Variants in ARHGAP15 observed in about 807,000 individuals in gnomAD.
ARHGAP15 encodes the protein rho GTPase-activating protein 15.
A neutral mutation model predicts 63.7 loss-of-function variants in ARHGAP15; 51 were observed. The ratio of observed to expected loss-of-function variants is 0.80; its 90% CI spans 0.64 to 1.01. ARHGAP15 has a LOEUF of 1.01. Ranked by LOEUF, ARHGAP15 falls within the 50% of genes least tolerant of loss-of-function variation. ARHGAP15 has a pLI of 0.00. For synonymous variants in ARHGAP15, 191 were observed against 193.8 expected (o/e 0.99, Z 0.12); for missense variants, 560 against 564.6 (o/e 0.99, Z 0.08).
At chr2:143,623,782 CTT>C (rs1459827879) in intron 11 of ARHGAP15, among the ~76,000 whole-genome samples, 1 of 152,260 alleles carries the variant, frequency 6.6e-6, no homozygotes, top group Non-Finnish European at 1.5e-5. Context: ...ATTGGCAACT[CTT>C]AGCCCCTCGG....
intron 8 of ARHGAP15, among the ~76,000 whole-genome samples, chr2:143,478,784 CTT>C (rs1302142060): frequency 1.3e-5 from 2 of 152,164 alleles, no homozygotes; most frequent in African/African-American, 2.4e-5. Flanking sequence ...TTATGTATAA[CTT>C]ATAATCTAAG....
At chr2:143,534,937 T>A (rs1694685790) in intron 10 of ARHGAP15, among the ~76,000 whole-genome samples, 1 of 152,034 alleles carries the variant, frequency 6.6e-6, no homozygotes, top group Non-Finnish European at 1.5e-5. Flanking sequence ...AACCTCAGTT[T>A]AGAGCATTGT....
At chr2:143,307,607 G>A (rs1425606170) in intron 6 of ARHGAP15, among the ~76,000 whole-genome samples, 1 of 151,862 alleles carries the variant, frequency 6.6e-6, no homozygotes, top group African/African-American at 2.4e-5. Flanking sequence ...AGGTTGATCT[G>A]GAGGTAACTG....
intron 6 of ARHGAP15, among the ~76,000 whole-genome samples, chr2:143,266,589 C>T (rs924874394): frequency 6.6e-5 from 10 of 152,092 alleles, no homozygotes; most frequent in African/African-American, 1.9e-4. Flanking sequence ...TTTAAGTTTA[C>T]TTATTAAAAA....
chr2:143,425,906 T>G (rs1689120816), intron 6 of ARHGAP15, among the ~76,000 whole-genome samples: 2 of 152,226 alleles, frequency 1.3e-5, no homozygotes, highest in South Asian at 4.1e-4. Context: ...GCAGTTTGGA[T>G]TCTATAAAAA....
chr2:143,734,765 A>T (rs898543458), intron 13 of ARHGAP15, among the ~76,000 whole-genome samples: 5 of 152,172 alleles, frequency 3.3e-5, no homozygotes, highest in Non-Finnish European at 2.9e-5. Context: ...TGCAAGTTAG[A>T]TTGTACCTGA....
At position 143,743,832 on chromosome 2, in the gene ARHGAP15, AAAAT is replaced by A. The variant is rs201152123; in HGVS notation, c.1245-24153_1245-24150del. 3.4e-3 allele frequency among the ~76,000 whole-genome samples: 515 copies of A among 152,288 alleles called. 11 individuals are homozygous for A. The highest frequency in any genetic ancestry group is 0.023 in the Admixed American group (353 of 15,294). ...GAAAGTTGGAGTAAGGGGAAGAAAG[AAAAT>A]AAAGTCCTTAGTAGCAAGGTTTGGA... On this transcript the variant is annotated intron_variant, in intron 13 of 13. Coordinates refer to ENST00000295095, the MANE Select transcript of ARHGAP15 (RefSeq NM_018460.4).
chr2:143,730,799 A>G (rs6430042), intron 13 of ARHGAP15, among the ~76,000 whole-genome samples: 97,172 of 150,426 alleles, frequency 0.65, 34,477 homozygotes, highest in Non-Finnish European at 0.8. Context: ...AGATACATAT[A>G]GAAGGTTTTT....
At chr2:143,385,317 G>T (rs1346357170) in intron 6 of ARHGAP15, among the ~76,000 whole-genome samples, 1 of 152,078 alleles carries the variant, frequency 6.6e-6, no homozygotes, top group Non-Finnish European at 1.5e-5. Context: ...ACTAAAAAAA[G>T]GTCAACCGAA....
intron 13 of ARHGAP15, among the ~76,000 whole-genome samples, chr2:143,755,654 T>C (rs1042097748): frequency 2.6e-5 from 4 of 152,174 alleles, no homozygotes; most frequent in African/African-American, 9.6e-5. Context: ...CTAGTTTTAC[T>C]GTGTCCCTCT....
chr2:143,639,817 CAATTAT>C (rs1450792200), intron 12 of ARHGAP15, among the ~76,000 whole-genome samples: 1 of 152,020 alleles, frequency 6.6e-6, no homozygotes, highest in Non-Finnish European at 1.5e-5. Flanking sequence ...AAAAAGAGCT[CAATTAT>C]AATTAAAATA....
chr2:143,757,482 G>A (rs968651273), intron 13 of ARHGAP15, among the ~76,000 whole-genome samples: 3 of 152,082 alleles, frequency 2.0e-5, no homozygotes, highest in African/African-American at 7.2e-5. Context: ...CTACATTCCA[G>A]CCTGGGTGAC....
intron 3 of ARHGAP15, among the ~76,000 whole-genome samples, chr2:143,215,568 C>T (rs373674997): frequency 4.4e-4 from 67 of 152,230 alleles, no homozygotes; most frequent in African/African-American, 1.2e-3. Context: ...GTGGGCAATT[C>T]ACTAAGAGTG....
At chr2:143,263,303 A>G (rs1680822630) in intron 6 of ARHGAP15, among the ~76,000 whole-genome samples, 1 of 152,166 alleles carries the variant, frequency 6.6e-6, no homozygotes, top group African/African-American at 2.4e-5. Context: ...CTGGAATGGT[A>G]GGGCAGGCAG....
Position 143,624,390 on chromosome 2 carries a change from A to G in ARHGAP15, c.1138+123A>G, listed in dbSNP as rs1206110103. 6.1e-6 allele frequency: 7 copies of G among 1,143,486 alleles called. No individual in the cohort carries two copies. The Admixed American group carries it at 9.8e-5, about 16-fold the overall frequency. The allele number at this position is 1,143,486 out of a possible 1,614,324, so 70.8% of individuals were successfully genotyped here. A position where few individuals can be genotyped will look rare whatever the true frequency, so the allele number is the denominator to read the frequency against. On this transcript the variant is annotated intron_variant, in intron 12 of 13. Transcript: ENST00000295095. ...ACAGATAGTATCCCCGATGCTCCATATCTTACGTTTTCGTTTTTGTGTTTT... is the reference window on the plus strand; with the variant it reads ...ACAGATAGTATCCCCGATGCTCCATGTCTTACGTTTTCGTTTTTGTGTTTT...
chr2:143,148,492 A>C (rs1319960026), intron 1 of ARHGAP15, among the ~76,000 whole-genome samples: 3 of 152,070 alleles, frequency 2.0e-5, no homozygotes, highest in Admixed American at 6.6e-5. Context: ...CCACACACTT[A>C]TTCTACTTTT....
At chr2:143,657,312 A>C (rs1055599664) in intron 12 of ARHGAP15, among the ~76,000 whole-genome samples, 3 of 152,190 alleles carry the variant, frequency 2.0e-5, no homozygotes, top group Non-Finnish European at 4.4e-5. Flanking sequence ...GCGCCACTGC[A>C]CTCCAGCCTG....
intron 6 of ARHGAP15, among the ~76,000 whole-genome samples, chr2:143,278,608 GT>G (rs912442622): frequency 2.0e-5 from 3 of 151,982 alleles, no homozygotes; most frequent in South Asian, 2.1e-4. Context: ...CAAATGCAGG[GT>G]TTTTTTCCAT....
intron 6 of ARHGAP15, among the ~76,000 whole-genome samples, chr2:143,261,150 T>G (rs1274298364): frequency 1.3e-5 from 2 of 152,088 alleles, no homozygotes; most frequent in Admixed American, 1.3e-4. Flanking sequence ...TACAGCTACT[T>G]AACACTAAAT....
Sources: gnomAD v4.1 joint callset for allele counts (sites outside exome capture counted in the v4.1 genomes callset) on GRCh38, gnomAD v4.1.1 for gene constraint, MANE v1.5 for transcripts, NCBI Gene and HGNC (gene_info 2026-07-23, HGNC 2026-07-21) for gene names.